Variants in LRMDA observed in about 807,000 individuals in gnomAD.
LRMDA encodes leucine rich melanocyte differentiation associated.
Under a neutral mutation model 29.8 loss-of-function variants are expected in LRMDA, and 18 were observed. The ratio of observed to expected loss-of-function variants is 0.60; its 90% CI spans 0.42 to 0.90. The LOEUF (loss-of-function observed/expected upper bound fraction) is 0.90, where lower values mean the gene tolerates loss of function less well. Ranked by LOEUF, LRMDA falls within the 40% of genes least tolerant of loss-of-function variation. LRMDA has a pLI of 0.00. For missense variants in LRMDA, 273 were observed against 273.9 expected, an observed-to-expected ratio of 1.00 and a Z score of 0.02; for synonymous variants, 125 against 109.4, an observed-to-expected ratio of 1.14 and a Z score of -0.89.
At chr10:76,383,314 G>C (rs917753427) in intron 6 of LRMDA, among the ~76,000 whole-genome samples, 1 of 151,722 alleles carries the variant, frequency 6.6e-6, no homozygotes, top group Non-Finnish European at 1.5e-5. Context: ...TGAACTGGCC[G>C]TGTTTTCTCT....
intron 2 of LRMDA, among the ~76,000 whole-genome samples, chr10:75,658,295 GA>G (rs10649469): frequency 0.023 from 1,768 of 76,600 alleles, 20 homozygotes; most frequent in African/African-American, 0.044. Flanking sequence ...CAAAGAAAAT[GA>G]AAAAAAAAAA....
intron 5 of LRMDA, among the ~76,000 whole-genome samples, chr10:76,094,698 T>C (rs780355834): frequency 7.9e-5 from 12 of 152,290 alleles, no homozygotes; most frequent in South Asian, 4.1e-4. Flanking sequence ...TAAAGGAAAG[T>C]AACATTCCCA....
At chr10:75,501,117 G>A (rs2132069257) in intron 2 of LRMDA, among the ~76,000 whole-genome samples, 1 of 152,274 alleles carries the variant, frequency 6.6e-6, no homozygotes, top group South Asian at 2.1e-4. Flanking sequence ...TGCCTTCTGG[G>A]ATACTTCAGA....
chr10:76,346,861 C>T (rs1841115041), intron 6 of LRMDA, among the ~76,000 whole-genome samples: 1 of 152,192 alleles, frequency 6.6e-6, no homozygotes. Context: ...GTTCTTTCCT[C>T]TGTTCCATTC....
At chr10:75,516,776 A>G (rs1845294979) in intron 2 of LRMDA, among the ~76,000 whole-genome samples, 1 of 152,132 alleles carries the variant, frequency 6.6e-6, no homozygotes, top group African/African-American at 2.4e-5. Flanking sequence ...GTCCTTGCCC[A>G]TGCCTATGTC....
intron 2 of LRMDA, among the ~76,000 whole-genome samples, chr10:75,939,506 G>A (rs1224388761): frequency 1.4e-4 from 21 of 152,070 alleles, no homozygotes; most frequent in Admixed American, 1.4e-3. Flanking sequence ...GTGAAGATCT[G>A]CTAAAGGTCT....
intron 5 of LRMDA, among the ~76,000 whole-genome samples, chr10:76,136,296 A>G (rs887093217): frequency 3.9e-5 from 6 of 152,210 alleles, no homozygotes; most frequent in African/African-American, 1.4e-4. Flanking sequence ...CTTTTTGTGA[A>G]TGGCACTTTA....
At chr10:76,271,984 T>C (rs1840073575) in intron 5 of LRMDA, among the ~76,000 whole-genome samples, 1 of 152,166 alleles carries the variant, frequency 6.6e-6, no homozygotes, top group Non-Finnish European at 1.5e-5. Flanking sequence ...GTGCAGTCAC[T>C]CAGTAAGAAA....
chr10:76,181,388 C>T (rs1396906159), intron 5 of LRMDA, among the ~76,000 whole-genome samples: 2 of 152,212 alleles, frequency 1.3e-5, no homozygotes, highest in Non-Finnish European at 2.9e-5. Context: ...CCAATTTCCT[C>T]CTGAAGGTAC....
rs1314637355 is a variant in LRMDA at position 75,735,812 on chromosome 10, G to A, written c.131+297318G>A. ...AGATATTCACGAGTCCACCCGAGTC[G>A]CCTCAGAAGCAGCATATCCTAACTC... is the stretch of plus-strand genomic sequence containing the variant. On this transcript the variant is annotated intron_variant, in intron 2 of 6. Coordinates refer to ENST00000611255, the MANE Select transcript of LRMDA (RefSeq NM_001305581.2). 4.6e-5 allele frequency among the ~76,000 whole-genome samples: 7 copies of A among 152,170 alleles called. No homozygotes were observed. The South Asian group carries it at 6.2e-4, about 14-fold the overall frequency.
intron 5 of LRMDA, among the ~76,000 whole-genome samples, chr10:76,314,045 GCAATA>G (rs1487055686): frequency 2.0e-5 from 3 of 151,892 alleles, no homozygotes; most frequent in Admixed American, 2.0e-4. Flanking sequence ...ACAATGCCTT[GCAATA>G]CCCAACAAAG....
At position 76,145,657 on chromosome 10, in the gene LRMDA, A is replaced by G. The variant is rs1383152188; in HGVS notation, c.516+86874A>G. ...GAAAAACCAGCTCCTGGATTCATTAATTTTTTGAAGGTATTTTTGTGTCTC... is the reference window on the plus strand; with the variant it reads ...GAAAAACCAGCTCCTGGATTCATTAGTTTTTTGAAGGTATTTTTGTGTCTC... On this transcript the variant is annotated intron_variant, in intron 5 of 6. Coordinates refer to ENST00000611255, the MANE Select transcript of LRMDA (RefSeq NM_001305581.2). Among the ~76,000 whole-genome samples, 3 of 151,994 alleles carry G rather than the reference A, an allele frequency of 2.0e-5. No homozygotes were observed. In the East Asian group the frequency reaches 5.8e-4, roughly 29 times the overall value.
chr10:75,598,208 C>G (rs1172361197), intron 2 of LRMDA, among the ~76,000 whole-genome samples: 1 of 152,186 alleles, frequency 6.6e-6, no homozygotes, highest in East Asian at 1.9e-4. Context: ...CTGTTCATGT[C>G]ACTTTTCTGG....
chr10:76,142,634 T>C (rs1184501739), intron 5 of LRMDA, among the ~76,000 whole-genome samples: 1 of 152,012 alleles, frequency 6.6e-6, no homozygotes, highest in Non-Finnish European at 1.5e-5. Flanking sequence ...TTCCATCATA[T>C]TCAAGTGCAA....
At chr10:75,567,335 G>T (rs958253457) in intron 2 of LRMDA, among the ~76,000 whole-genome samples, 9 of 152,114 alleles carry the variant, frequency 5.9e-5, no homozygotes, top group Admixed American at 5.2e-4. Flanking sequence ...AGGCCAAACT[G>T]TGGCCCATTT....
intron 2 of LRMDA, among the ~76,000 whole-genome samples, chr10:76,007,031 T>TGTGTGTGTGTGC (rs1230411095): frequency 3.9e-3 from 104 of 26,952 alleles, no homozygotes; most frequent in East Asian, 0.013. Context: ...TGTGTGTGTG[T>TGTGTGTGTGTGC]GCGCGTGTGT....
intron 5 of LRMDA, among the ~76,000 whole-genome samples, chr10:76,064,172 A>G (rs867549638): frequency 5.6e-4 from 86 of 152,334 alleles, no homozygotes; most frequent in African/African-American, 2.0e-3. Context: ...CCACCTGTAC[A>G]CTGGCAGAAA....
intron 5 of LRMDA, among the ~76,000 whole-genome samples, chr10:76,207,899 G>A (rs1383893734): frequency 1.3e-5 from 2 of 152,068 alleles, no homozygotes; most frequent in Non-Finnish European, 2.9e-5. Context: ...GGGAGGCAGA[G>A]GTTGCAGTGA....
chr10:75,640,836 C>T (rs1348554307), intron 2 of LRMDA, among the ~76,000 whole-genome samples: 1 of 152,108 alleles, frequency 6.6e-6, no homozygotes, highest in Non-Finnish European at 1.5e-5. Flanking sequence ...TTTTTTTCCC[C>T]CATGCCAGTT....
Sources: allele counts gnomAD v4.1 joint callset (sites outside exome capture counted in the v4.1 genomes callset), GRCh38; gene constraint gnomAD v4.1.1; transcripts MANE v1.5; gene names NCBI Gene and HGNC (gene_info 2026-07-23, HGNC 2026-07-21).